Variants in PBRM1 observed in about 807,000 individuals in gnomAD.
PBRM1 encodes protein polybromo-1.
In PBRM1, 27 loss-of-function variants were observed where a neutral mutation model predicts 194.5. The observed-to-expected ratio is 0.14, with a 90% CI of 0.10 to 0.19. The LOEUF is 0.19. PBRM1 is among the 10% of genes least tolerant of loss of function. The pLI is 1.00. For synonymous variants in PBRM1, 655 were observed against 693.2 expected (o/e 0.94, Z 0.87); for missense variants, 1,466 against 2,077.2 (o/e 0.71, Z 5.72).
intron 27 of PBRM1, among the ~76,000 whole-genome samples, chr3:52,552,752 C>G (rs889281408): frequency 3.3e-5 from 5 of 152,224 alleles, no homozygotes; most frequent in African/African-American, 1.2e-4. Flanking sequence ...AAGGTGTAAA[C>G]TCCAGCCTGG....
chr3:52,600,484 A>G (rs943062673), intron 17 of PBRM1, among the ~76,000 whole-genome samples: 2 of 152,130 alleles, frequency 1.3e-5, no homozygotes, highest in South Asian at 4.1e-4. Flanking sequence ...TTTGTATTTC[A>G]TTCAATAAAT....
intron 22 of PBRM1, among the ~76,000 whole-genome samples, chr3:52,566,130 T>C (rs1381632705): frequency 6.6e-6 from 1 of 151,774 alleles, no homozygotes; most frequent in African/African-American, 2.4e-5. Context: ...AACGGCAATG[T>C]AATACTACTT....
chr3:52,652,959 T>C (rs968105875), intron 5 of PBRM1, among the ~76,000 whole-genome samples: 5 of 151,766 alleles, frequency 3.3e-5, no homozygotes, highest in East Asian at 3.9e-4. Flanking sequence ...GATCACGCCA[T>C]TGTACTCCAG....
At chr3:52,658,583 C>T (rs1182088027) in intron 4 of PBRM1, among the ~76,000 whole-genome samples, 5 of 151,760 alleles carry the variant, frequency 3.3e-5, no homozygotes, top group Admixed American at 1.3e-4. Context: ...TTAGTAGAGA[C>T]GGGGTTTCAC....
intron 5 of PBRM1, among the ~76,000 whole-genome samples, chr3:52,655,732 T>C (rs1302849601): frequency 2.6e-5 from 4 of 152,186 alleles, no homozygotes; most frequent in Admixed American, 1.3e-4. Context: ...AGGACAGCAG[T>C]GGTCAGTTGC....
intron 10 of PBRM1, among the ~76,000 whole-genome samples, chr3:52,637,773 C>CAAAAAAAAAA (rs755241328): frequency 0.015 from 622 of 42,180 alleles, 35 homozygotes; most frequent in South Asian, 0.024. Context: ...ACTAAAAATA[C>CAAAAAAAAAA]AAAAAAAAAA....
At chr3:52,560,087 C>A (rs1408654311) in intron 25 of PBRM1, among the ~76,000 whole-genome samples, 1 of 152,120 alleles carries the variant, frequency 6.6e-6, no homozygotes, top group Non-Finnish European at 1.5e-5. Context: ...ATATAACTCC[C>A]CCCTCACTAG....
intron 15 of PBRM1, among the ~76,000 whole-genome samples, chr3:52,612,603 G>T (rs1199462021): frequency 2.0e-5 from 3 of 152,028 alleles, no homozygotes; most frequent in Non-Finnish European, 4.4e-5. Flanking sequence ...TAGATCATGG[G>T]TTTAAGAGTA....
At chr3:52,558,961 ACTGCCT>A (rs1407523916) in intron 25 of PBRM1, among the ~76,000 whole-genome samples, 3 of 152,232 alleles carry the variant, frequency 2.0e-5, no homozygotes, top group Non-Finnish European at 4.4e-5. Flanking sequence ...AAAGTAGCTG[ACTGCCT>A]CCTTCAGAAG....
Position 52,637,831 on chromosome 3 carries a change from T to C in PBRM1, c.1088-3016A>G, listed in dbSNP as rs528437316. Among the ~76,000 whole-genome samples, 140 of 138,206 alleles carry C rather than the reference T, an allele frequency of 1.0e-3. 1 individual carries two copies. Among genetic ancestry groups the C allele is most frequent in the South Asian group, 3.1e-3 (13 of 4,242 alleles). The allele number at this position is 138,206 out of a possible 152,430, so 90.7% of individuals were successfully genotyped here. A position where few individuals can be genotyped will look rare whatever the true frequency, so the allele number is the denominator to read the frequency against. ...GCATGGTGACGGGCTCCTATAATCC[T>C]AGCTACCCGGAGGCTGAGGCAGGAG... On this transcript the variant is annotated intron_variant, in intron 10 of 29. Coordinates refer to ENST00000296302, the Ensembl canonical transcript of PBRM1.
At chr3:52,677,304 C>T (rs375932257) in intron 2 of PBRM1, among the ~76,000 whole-genome samples, 18 of 152,058 alleles carry the variant, frequency 1.2e-4, no homozygotes, top group African/African-American at 4.3e-4. Flanking sequence ...AATACAGTGG[C>T]GGGATCTCAG....
chr3:52,562,267 C>T (rs1201530785), intron 24 of PBRM1, among the ~76,000 whole-genome samples: 4 of 150,152 alleles, frequency 2.7e-5, no homozygotes, highest in African/African-American at 4.9e-5. Context: ...ACGGAGCTTG[C>T]ATTAAGCCAA....
At chr3:52,566,367 C>A (rs2085214926) in intron 22 of PBRM1, among the ~76,000 whole-genome samples, 1 of 152,076 alleles carries the variant, frequency 6.6e-6, no homozygotes. Flanking sequence ...ATCAGAGGAT[C>A]AACTACTTGT....
chr3:52,639,740 T>C (rs1037678111), intron 10 of PBRM1, among the ~76,000 whole-genome samples: 28 of 151,044 alleles, frequency 1.9e-4, no homozygotes, highest in African/African-American at 6.9e-4. Flanking sequence ...AAAAATTTTT[T>C]TTTTTTTTTT....
At chr3:52,612,691 G>T (rs1157128176) in intron 15 of PBRM1, among the ~76,000 whole-genome samples, 1 of 151,990 alleles carries the variant, frequency 6.6e-6, no homozygotes, top group Non-Finnish European at 1.5e-5. Context: ...ATCACTTGAG[G>T]TCAGGAGATC....
chr3:52,628,799 G>A (rs1326572925), intron 12 of PBRM1, 95 bp downstream of exon 13: 4 of 1,074,026 alleles, frequency 3.7e-6, no homozygotes, highest in African/African-American at 1.6e-5. Flanking sequence ...TGCTGAGGGT[G>A]GGGGGGATCA....
At chr3:52,617,445 T>C (rs918883041) in exon 14 of PBRM1, 3 of 1,613,710 alleles carry the variant, frequency 1.9e-6, no homozygotes, top group Non-Finnish European at 2.5e-6. Flanking sequence ...TAACCATAAA[T>C]AGGTCACAAA....
chr3:52,618,785 CTT>C (rs1003239622), intron 13 of PBRM1, among the ~76,000 whole-genome samples: 107 of 151,606 alleles, frequency 7.1e-4, no homozygotes, highest in African/African-American at 2.5e-3. Flanking sequence ...GAGTTTCACT[CTT>C]GTTGCCCAGG....
chr3:52,635,363 C>T (rs562504037), intron 10 of PBRM1, among the ~76,000 whole-genome samples: 15 of 152,194 alleles, frequency 9.9e-5, no homozygotes, highest in African/African-American at 3.4e-4. Flanking sequence ...GTCAGGAGTT[C>T]GAGACCAGCG....
Sources: gnomAD v4.1 joint callset for allele counts (sites outside exome capture counted in the v4.1 genomes callset) on GRCh38, gnomAD v4.1.1 for gene constraint, MANE v1.5 for transcripts, NCBI Gene and HGNC (gene_info 2026-07-23, HGNC 2026-07-21) for gene names.